Variants in FLOT2 observed in about 807,000 individuals in gnomAD.
FLOT2 encodes the protein flotillin-2.
In FLOT2, 35 loss-of-function variants were observed where a neutral mutation model predicts 54.9. The ratio of observed to expected loss-of-function variants is 0.64; its 90% CI spans 0.49 to 0.84. The LOEUF (loss-of-function observed/expected upper bound fraction) is 0.84. Ranked by LOEUF, FLOT2 falls within the 40% of genes least tolerant of loss-of-function variation. The pLI is 0.00. For missense variants in FLOT2, 464 were observed against 572.1 expected, an observed-to-expected ratio of 0.81 and a Z score of 1.93; for synonymous variants, 207 against 228.9, an observed-to-expected ratio of 0.90 and a Z score of 0.86.
intron 9 of FLOT2, 142 bp downstream of exon 9, chr17:28,881,050 C>A (rs988850711): frequency 1.1e-5 from 11 of 1,024,974 alleles, no homozygotes; most frequent in Non-Finnish European, 1.6e-5. Flanking sequence ...GGTTCCTGCC[C>A]CCTGCTGAGG....
chr17:28,887,930 C>T lies in FLOT2; in HGVS notation c.131+1015G>A, dbSNP rs891777754. ...AACCAGTGAAGTTAATCCATTGTGC[C>T]ATGCTTCCCATTCCCCCCGACCCTA... On this transcript the variant is annotated intron_variant, in intron 2 of 10. Coordinates refer to ENST00000394908, the MANE Select transcript of FLOT2 (RefSeq NM_004475.3). Among the ~76,000 whole-genome samples the T allele has an allele frequency of 2.8e-4, 42 of 152,330 alleles. 4 individuals are homozygous for T. Among genetic ancestry groups the T allele is most frequent in the Admixed American group, 2.0e-3 (31 of 15,302 alleles).
intron 2 of FLOT2, 45 bp downstream of exon 2, chr17:28,888,899 TC>T: frequency 7.1e-7 from 1 of 1,411,746 alleles, no homozygotes. Context: ...AGCCCCTCTC[TC>T]CCTGGCCCAC....
intron 2 of FLOT2, among the ~76,000 whole-genome samples, chr17:28,887,942 T>TC (rs984510020): frequency 6.6e-6 from 1 of 151,926 alleles, no homozygotes; most frequent in African/African-American, 2.4e-5. Context: ...TGCTTCCCAT[T>TC]CCCCCCGACC....
intron 1 of FLOT2, among the ~76,000 whole-genome samples, chr17:28,894,912 T>G (rs201405407): frequency 2.4e-5 from 1 of 41,034 alleles, no homozygotes. Context: ...TTGTTTATTA[T>G]TTATTTATTT....
At chr17:28,890,820 A>T (rs2039636625) in intron 1 of FLOT2, among the ~76,000 whole-genome samples, 1 of 151,948 alleles carries the variant, frequency 6.6e-6, no homozygotes, top group Non-Finnish European at 1.5e-5. Flanking sequence ...ATTCAAAGGA[A>T]ATATGTGATC....
Position 28,882,307 on chromosome 17 carries a change from C to A in FLOT2, c.579+30G>T, listed in dbSNP as rs750488943. Reference sequence around the variant, plus strand: ...CCTGAGTCATCATGGTCCCATCACCCCTGAGCTTCCCATCCTTGAACCCAC... The same window carrying A: ...CCTGAGTCATCATGGTCCCATCACCACTGAGCTTCCCATCCTTGAACCCAC... On this transcript the variant is annotated intron_variant, in intron 6 of 10. Transcript: ENST00000394908. This position sits in a 1 kb window ranked among gnomAD's most constrained non-coding sequence, Gnocchi z 5.6. 1.4e-5 allele frequency: 23 copies of A among 1,613,898 alleles called. No individual in the cohort carries two copies. In the South Asian group the frequency reaches 2.3e-4, roughly 16 times the overall value.
At chr17:28,886,431 G>A (rs570054536) in intron 2 of FLOT2, among the ~76,000 whole-genome samples, 2 of 152,212 alleles carry the variant, frequency 1.3e-5, no homozygotes, top group South Asian at 4.1e-4. Flanking sequence ...AATCCGCCAG[G>A]TCTGCACTAT....
In FLOT2 at chr17:28,882,735, C is replaced by G; in HGVS notation, c.347-44G>C. ...AGGGCTGGCTCCCCAGGGACCCAGC[C>G]AGCTGGGGAAGGGAGGAGGCATGCA... On this transcript the variant is annotated intron_variant, in intron 4 of 10. Coordinates refer to ENST00000394908, the MANE Select transcript of FLOT2 (RefSeq NM_004475.3). This position sits in a 1 kb window ranked among gnomAD's most constrained non-coding sequence, Gnocchi z 5.6. 7.5e-7 allele frequency: 1 copy of G among 1,335,138 alleles called. No homozygotes were observed. The highest frequency in any genetic ancestry group is 1.1e-6 in the Non-Finnish European group (1 of 929,770). 82.7% of individuals were successfully genotyped at this position (1,335,138 alleles called of 1,614,324 possible).
At position 28,897,619 on chromosome 17, in the gene FLOT2, C is replaced by A. The variant is rs1367949317; in HGVS notation, c.-45G>T. 6.7e-7 allele frequency: 1 copy of A among 1,502,872 alleles called. No homozygotes were observed. Among genetic ancestry groups the A allele is most frequent in the Non-Finnish European group, 8.9e-7 (1 of 1,122,920 alleles). The allele number at this position is 1,502,872 out of a possible 1,614,324, so 93.1% of individuals were successfully genotyped here. ...GCCCTCGGGACCGCACAGACCCGGACAACAGCAGCGGGTCTGCAGCGCCGG... is the reference window on the plus strand; with the variant it reads ...GCCCTCGGGACCGCACAGACCCGGAAAACAGCAGCGGGTCTGCAGCGCCGG... On this transcript the variant is annotated 5_prime_UTR_variant, in exon 1 of 11. Coordinates refer to ENST00000394908, the MANE Select transcript of FLOT2 (RefSeq NM_004475.3). This position sits in a 1 kb window ranked among gnomAD's most constrained non-coding sequence, Gnocchi z 4.4.
Position 28,880,068 on chromosome 17 carries a change from C to T in FLOT2, c.*493G>A. On this transcript the variant is annotated 3_prime_UTR_variant, in exon 11 of 11. Coordinates refer to ENST00000394908, the MANE Select transcript of FLOT2 (RefSeq NM_004475.3). ...AGGTGAGGCTGTGGGCTTCCTGGGG[C>T]AGGGTTTAGGGCTGGGAAGACCAGT... 1.0e-6 allele frequency: 1 copy of T among 991,216 alleles called. No homozygotes were observed. The allele number at this position is 991,216 out of a possible 1,614,324, so 61.4% of individuals were successfully genotyped here.
chr17:28,897,420 T>C lies in FLOT2; in HGVS notation c.49+106A>G. 8.7e-7 allele frequency: 1 copy of C among 1,147,012 alleles called. No individual in the cohort carries two copies. The highest frequency in any genetic ancestry group is 1.2e-6 in the Non-Finnish European group (1 of 816,098). The allele number at this position is 1,147,012 out of a possible 1,614,324, so 71.1% of individuals were successfully genotyped here. Reference sequence around the variant, plus strand: ...AGGTGCGGCCCGGGGGCCAGCGCCCTGCGCCGCGCGGTGGACTCAGGCCCA... The same window carrying C: ...AGGTGCGGCCCGGGGGCCAGCGCCCCGCGCCGCGCGGTGGACTCAGGCCCA... On this transcript the variant is annotated intron_variant, in intron 1 of 10. Transcript: ENST00000394908. The surrounding 1 kb of genome is among the most constrained non-coding windows in gnomAD (Gnocchi z 4.4).
At position 28,897,488 on chromosome 17, in the gene FLOT2, A is replaced by C; in HGVS notation, c.49+38T>G. On this transcript the variant is annotated intron_variant, in intron 1 of 10. Coordinates refer to ENST00000394908, the MANE Select transcript of FLOT2 (RefSeq NM_004475.3). This position sits in a 1 kb window ranked among gnomAD's most constrained non-coding sequence, Gnocchi z 4.4. ...CCCCAGCCCTGCACCCACCCCGAGCACCCTCCACAGCTCCCACCTTCCTCG... is the reference window on the plus strand; with the variant it reads ...CCCCAGCCCTGCACCCACCCCGAGCCCCCTCCACAGCTCCCACCTTCCTCG... The C allele has an allele frequency of 6.4e-7, 1 of 1,572,992 alleles. No homozygotes were observed. Among genetic ancestry groups the C allele is most frequent in the Non-Finnish European group, 8.7e-7 (1 of 1,155,158 alleles).
At position 28,883,257 on chromosome 17, in the gene FLOT2, A is replaced by G. The variant is rs749516561; in HGVS notation, c.223-26T>C. On this transcript the variant is annotated intron_variant, in intron 3 of 10. Transcript: ENST00000394908. This position sits in a 1 kb window ranked among gnomAD's most constrained non-coding sequence, Gnocchi z 5.0. ...CTGTCAGTGACGACAAAGGCGCTTCAGCTAGGCTGGAGCGAGGCAGACAAA... is the reference window on the plus strand; with the variant it reads ...CTGTCAGTGACGACAAAGGCGCTTCGGCTAGGCTGGAGCGAGGCAGACAAA... 33 of 1,613,694 alleles carry G rather than the reference A, an allele frequency of 2.0e-5. No individual in the cohort carries two copies. Among genetic ancestry groups the G allele is most frequent in the Admixed American group, 1.0e-4 (6 of 60,008 alleles).
chr17:28,897,281 G>A lies in FLOT2; in HGVS notation c.49+245C>T, dbSNP rs1229298696. Among the ~76,000 whole-genome samples the A allele has an allele frequency of 6.6e-6, 1 of 152,212 alleles. No homozygotes were observed. The highest frequency in any genetic ancestry group is 2.4e-5 in the African/African-American group (1 of 41,474). ...GGGGAGGCCCGCCTAGGGAGGGGGA[G>A]GAGAAGCAAATAAACACAGGAAAAC... On this transcript the variant is annotated intron_variant, in intron 1 of 10. Coordinates refer to ENST00000394908, the MANE Select transcript of FLOT2 (RefSeq NM_004475.3). The surrounding 1 kb of genome is among the most constrained non-coding windows in gnomAD (Gnocchi z 4.4).
chr17:28,880,193 A>G lies in FLOT2; in HGVS notation c.*368T>C. The G allele has an allele frequency of 8.9e-7, 1 of 1,126,132 alleles. No individual in the cohort carries two copies. Among genetic ancestry groups the G allele is most frequent in the Non-Finnish European group, 1.1e-6 (1 of 914,026 alleles). The allele number at this position is 1,126,132 out of a possible 1,614,324, so 69.8% of individuals were successfully genotyped here. On this transcript the variant is annotated 3_prime_UTR_variant, in exon 11 of 11. Coordinates refer to ENST00000394908, the MANE Select transcript of FLOT2 (RefSeq NM_004475.3). The stretch of plus-strand genomic sequence containing the variant: ...ATGGACAGATGCACAGAGAACTTCA[A>G]GGCACCAGGATTCTGAGGAGCAGCA...
intron 1 of FLOT2, among the ~76,000 whole-genome samples, chr17:28,894,163 T>C (rs1050956069): frequency 1.3e-5 from 2 of 152,184 alleles, no homozygotes; most frequent in African/African-American, 4.8e-5. Context: ...AGCCAGTGTG[T>C]CCAGCCCACT....
intron 1 of FLOT2, among the ~76,000 whole-genome samples, chr17:28,889,764 C>T (rs897028079): frequency 4.6e-5 from 7 of 151,818 alleles, no homozygotes; most frequent in Non-Finnish European, 8.8e-5. Context: ...CTCAGCCTCC[C>T]GAGTAGCTGG....
chr17:28,895,084 T>G lies in FLOT2; in HGVS notation c.49+2442A>C, dbSNP rs2039720621. On this transcript the variant is annotated intron_variant, in intron 1 of 10. Transcript: ENST00000394908. ...GTGCCACCACTCCTGGCTAATTTTT[T>G]TTTTTTTTGGTAGAGACAGAGTTTT... 1.3e-5 allele frequency among the ~76,000 whole-genome samples: 2 copies of G among 151,770 alleles called. 1 individual carries two copies. The highest frequency in any genetic ancestry group is 4.2e-4 in the South Asian group (2 of 4,802).
chr17:28,881,880 A>T lies in FLOT2; in HGVS notation c.848T>A (p.Ile283Asn), dbSNP rs1325897095. The T allele has an allele frequency of 6.8e-6, 11 of 1,613,720 alleles. No individual in the cohort carries two copies. The highest frequency in any genetic ancestry group is 5.9e-6 in the Non-Finnish European group (7 of 1,180,050). ...QEILRTDKEL[I>N]ATVRRPAEAE... is the part of the protein sequence containing the mutation. Reference sequence around the variant, plus strand: ...CTCGGCAGGCCGGCGCACTGTAGCGATGAGCTCCTTGTCCGTACGCAGGAT... The same window carrying T: ...CTCGGCAGGCCGGCGCACTGTAGCGTTGAGCTCCTTGTCCGTACGCAGGAT... The change falls in exon 8 of 11, where the codon ATC becomes AAC. Residue 283 changes from isoleucine (I) to asparagine (N), a missense_variant. Physicochemically the swap from Ile to Asn is moderately radical, Grantham distance 149. Transcript: ENST00000394908.
Sources: gnomAD v4.1 joint callset for allele counts (sites outside exome capture counted in the v4.1 genomes callset) on GRCh38, gnomAD v4.1.1 for gene constraint, Gnocchi (gnomAD v3.1) non-coding constraint, MANE v1.5 for transcripts, NCBI Gene and HGNC (gene_info 2026-07-23, HGNC 2026-07-21) for gene names.